Variants in SIPA1L1 observed in about 807,000 individuals in gnomAD.
SIPA1L1 encodes signal-induced proliferation-associated 1-like protein 1.
SIPA1L1 carries 26 observed loss-of-function variants against 162.7 expected under a neutral mutation model. The ratio of observed to expected loss-of-function variants is 0.16; its 90% CI spans 0.12 to 0.22. The LOEUF (loss-of-function observed/expected upper bound fraction) is 0.22, where lower values mean the gene tolerates loss of function less well. Ranked by LOEUF, SIPA1L1 falls within the 10% of genes least tolerant of loss-of-function variation. SIPA1L1 has a pLI of 1.00. For synonymous variants in SIPA1L1, 829 were observed against 837.4 expected, an observed-to-expected ratio of 0.99 and a Z score of 0.17; for missense variants, 1,874 against 2,241.0, an observed-to-expected ratio of 0.84 and a Z score of 3.31.
chr14:71,463,003 C>G (rs2046721947), intron 2 of SIPA1L1, among the ~76,000 whole-genome samples: 1 of 152,240 alleles, frequency 6.6e-6, no homozygotes, highest in South Asian at 2.1e-4. Flanking sequence ...GAAACCACAT[C>G]TGATACAGCA....
At chr14:71,353,787 T>C (rs1362456476) in intron 2 of SIPA1L1, among the ~76,000 whole-genome samples, 1 of 152,070 alleles carries the variant, frequency 6.6e-6, no homozygotes, top group Non-Finnish European at 1.5e-5. Flanking sequence ...CACTAGGTAT[T>C]ATTTTAGTAT....
intron 4 of SIPA1L1, among the ~76,000 whole-genome samples, chr14:71,554,860 G>C (rs1315910963): frequency 6.6e-6 from 1 of 151,024 alleles, no homozygotes; most frequent in Non-Finnish European, 1.5e-5. Context: ...CTTTTGAATT[G>C]TTTCCTTAAA....
chr14:71,677,368 T>C (rs1163764687), intron 12 of SIPA1L1, among the ~76,000 whole-genome samples: 1 of 152,256 alleles, frequency 6.6e-6, no homozygotes, highest in East Asian at 1.9e-4. Context: ...AGATTCTGGA[T>C]GTTAGCCCTT....
intron 17 of SIPA1L1, among the ~76,000 whole-genome samples, chr14:71,722,478 A>G (rs996561016): frequency 5.9e-5 from 9 of 152,220 alleles, no homozygotes; most frequent in South Asian, 2.1e-4. Context: ...AAAATAACTG[A>G]AAGTCTGTTG....
chr14:71,323,175 C>G (rs1196450232), intron 2 of SIPA1L1, among the ~76,000 whole-genome samples: 1 of 152,160 alleles, frequency 6.6e-6, no homozygotes, highest in Non-Finnish European at 1.5e-5. Context: ...TTAAAAAACA[C>G]TTTCTAGTGA....
At chr14:71,459,011 G>T (rs1322724131) in intron 2 of SIPA1L1, among the ~76,000 whole-genome samples, 1 of 151,792 alleles carries the variant, frequency 6.6e-6, no homozygotes, top group Non-Finnish European at 1.5e-5. Flanking sequence ...GGCAGAGTTT[G>T]CAGTGAGCCA....
intron 4 of SIPA1L1, among the ~76,000 whole-genome samples, chr14:71,538,034 AG>A (rs539372378): frequency 7.9e-5 from 12 of 152,278 alleles, no homozygotes; most frequent in Admixed American, 6.5e-4. Context: ...TGTTAACTGC[AG>A]GGGGAAAAAA....
At chr14:71,724,454 C>T (rs977760277) in intron 18 of SIPA1L1, among the ~76,000 whole-genome samples, 1 of 152,192 alleles carries the variant, frequency 6.6e-6, no homozygotes, top group Non-Finnish European at 1.5e-5. Context: ...AAAAGAGTGA[C>T]TTATTCATCA....
chr14:71,500,961 G>A (rs1266252566), intron 2 of SIPA1L1, among the ~76,000 whole-genome samples: 3 of 152,162 alleles, frequency 2.0e-5, no homozygotes, highest in East Asian at 1.9e-4. Context: ...ACCCGAGATC[G>A]TGCCATTGCA....
intron 2 of SIPA1L1, among the ~76,000 whole-genome samples, chr14:71,452,648 C>T (rs2045914439): frequency 1.3e-5 from 2 of 152,318 alleles, no homozygotes; most frequent in African/African-American, 4.8e-5. Context: ...GATTCACTCT[C>T]ACACACAGTG....
intron 4 of SIPA1L1, among the ~76,000 whole-genome samples, chr14:71,572,873 A>G (rs1567225691): frequency 6.6e-6 from 1 of 152,246 alleles, no homozygotes; most frequent in Non-Finnish European, 1.5e-5. Flanking sequence ...ATCCTAATAT[A>G]TATAGCTATG....
chr14:71,367,607 CTT>C (rs773250069), intron 2 of SIPA1L1, among the ~76,000 whole-genome samples: 35 of 120,964 alleles, frequency 2.9e-4, no homozygotes, highest in Admixed American at 4.3e-4. Context: ...CGTGCCCGGC[CTT>C]TTTTTTTTTT....
intron 4 of SIPA1L1, among the ~76,000 whole-genome samples, chr14:71,530,703 T>C (rs952946695): frequency 2.6e-5 from 4 of 152,172 alleles, no homozygotes; most frequent in Non-Finnish European, 4.4e-5. Context: ...CCAGGATATT[T>C]CTCTCTAACA....
At chr14:71,346,621 C>G (rs552173260) in intron 2 of SIPA1L1, among the ~76,000 whole-genome samples, 1 of 152,162 alleles carries the variant, frequency 6.6e-6, no homozygotes, top group East Asian at 1.9e-4. Flanking sequence ...TAAGCAAAAG[C>G]GGGGATGGCT....
At chr14:71,445,628 A>G (rs2045286341) in intron 2 of SIPA1L1, among the ~76,000 whole-genome samples, 1 of 152,162 alleles carries the variant, frequency 6.6e-6, no homozygotes, top group Non-Finnish European at 1.5e-5. Flanking sequence ...TTAATATTAC[A>G]CAATTATCTC....
chr14:71,549,539 G>A (rs772641790), intron 4 of SIPA1L1, among the ~76,000 whole-genome samples: 9 of 152,126 alleles, frequency 5.9e-5, no homozygotes, highest in Admixed American at 1.3e-4. Context: ...CAAACATCTC[G>A]TATTTTTAAT....
chr14:71,380,740 A>G (rs886267151), intron 2 of SIPA1L1, among the ~76,000 whole-genome samples: 2 of 152,190 alleles, frequency 1.3e-5, no homozygotes, highest in East Asian at 1.9e-4. Flanking sequence ...TAGGGATACA[A>G]TATCTATTTT....
intron 2 of SIPA1L1, among the ~76,000 whole-genome samples, chr14:71,368,156 C>CT (rs2038532605): frequency 9.4e-6 from 1 of 106,062 alleles, no homozygotes; most frequent in African/African-American, 3.5e-5. Flanking sequence ...TTTTTTTTTT[C>CT]TTTCTTTTTT....
intron 5 of SIPA1L1, among the ~76,000 whole-genome samples, chr14:71,602,722 CAGCAGGAGGTG>C (rs1474772503): frequency 6.6e-6 from 1 of 152,234 alleles, no homozygotes; most frequent in African/African-American, 2.4e-5. Flanking sequence ...CCAGGCTGCG[CAGCAGGAGGTG>C]AGCAGCAGGT....
Sources: allele counts gnomAD v4.1 joint callset (sites outside exome capture counted in the v4.1 genomes callset), GRCh38; gene constraint gnomAD v4.1.1; transcripts MANE v1.5; gene names NCBI Gene and HGNC (gene_info 2026-07-23, HGNC 2026-07-21).